The following TNR variants were observed in gnomAD, a reference collection of about 807,000 sequenced individuals.
TNR encodes the protein tenascin-R.
In TNR, 45 loss-of-function variants were observed where a neutral mutation model predicts 150.4. That is an observed-to-expected ratio of 0.30 (90% CI 0.24 to 0.38). TNR has a LOEUF of 0.38. Among genes scored for constraint, TNR ranks in the 10% least tolerant of loss-of-function variants. TNR has a pLI of 1.00. For missense variants in TNR, 1,544 were observed against 1,759.1 expected, an observed-to-expected ratio of 0.88 and a Z score of 2.19; for synonymous variants, 687 against 678.4, an observed-to-expected ratio of 1.01 and a Z score of -0.20.
At chr1:175,537,763 G>A (rs751652817) in intron 1 of TNR, among the ~76,000 whole-genome samples, 3 of 152,262 alleles carry the variant, frequency 2.0e-5, no homozygotes, top group Admixed American at 6.5e-5. Flanking sequence ...AGGATTCTCC[G>A]AGCAGATGGC....
At chr1:175,466,482 G>A (rs1395054843) in intron 2 of TNR, among the ~76,000 whole-genome samples, 2 of 152,188 alleles carry the variant, frequency 1.3e-5, no homozygotes, top group Admixed American at 6.5e-5. Context: ...TGCTGACCCA[G>A]TCTTTCTGGG....
intron 1 of TNR, among the ~76,000 whole-genome samples, chr1:175,739,112 C>T (rs1667852607): frequency 1.3e-5 from 2 of 152,068 alleles, no homozygotes; most frequent in Admixed American, 1.3e-4. Context: ...GGAGCCTTCC[C>T]CTAAAAGAGC....
intron 1 of TNR, among the ~76,000 whole-genome samples, chr1:175,532,709 G>T (rs2102180782): frequency 6.6e-6 from 1 of 152,328 alleles, no homozygotes; most frequent in African/African-American, 2.4e-5. Flanking sequence ...CAGTCAAGAT[G>T]TTGAAGGTTG....
intron 1 of TNR, among the ~76,000 whole-genome samples, chr1:175,593,889 G>C (rs1662904897): frequency 6.6e-6 from 1 of 152,174 alleles, no homozygotes; most frequent in Non-Finnish European, 1.5e-5. Context: ...TCACATTGAT[G>C]ACTTCAGAAC....
chr1:175,323,603 C>T, intron 22 of TNR, 127 bp from the exon 23 acceptor site: 1 of 1,343,684 alleles, frequency 7.4e-7, no homozygotes, highest in Non-Finnish European at 1.0e-6. Context: ...TAACATGAAG[C>T]TTCAAGGCCG....
Position 175,413,956 on chromosome 1 carries a change from A to G in TNR, c.-63-7179T>C, listed in dbSNP as rs535007744. Among the ~76,000 whole-genome samples, 21 of 152,284 alleles carry G rather than the reference A, an allele frequency of 1.4e-4. No individual in the cohort carries two copies. The South Asian group carries it at 3.9e-3, about 29-fold the overall frequency. On this transcript the variant is annotated intron_variant, in intron 2 of 22. Coordinates refer to ENST00000367674, the MANE Select transcript of TNR (RefSeq NM_003285.3). Reference sequence around the variant, plus strand: ...GAGACCAGCCTGGGCAACATGGCGAAACCATGCCTTTACAAAAATTACAAA... The same window carrying G: ...GAGACCAGCCTGGGCAACATGGCGAGACCATGCCTTTACAAAAATTACAAA...
intron 9 of TNR, among the ~76,000 whole-genome samples, chr1:175,369,062 C>G (rs906257707): frequency 1.3e-5 from 2 of 152,176 alleles, no homozygotes; most frequent in African/African-American, 4.8e-5. Context: ...CCGGTAGGCT[C>G]TTTTTGGGGC....
At chr1:175,457,667 C>T (rs1656626213) in intron 2 of TNR, among the ~76,000 whole-genome samples, 1 of 152,174 alleles carries the variant, frequency 6.6e-6, no homozygotes, top group Admixed American at 6.5e-5. Context: ...GAAAAAAGAG[C>T]TACTATTGAC....
intron 1 of TNR, among the ~76,000 whole-genome samples, chr1:175,529,131 G>A (rs1432644714): frequency 6.6e-6 from 1 of 152,210 alleles, no homozygotes; most frequent in African/African-American, 2.4e-5. Flanking sequence ...TTCCAAGGAA[G>A]TGTCAACACA....
intron 15 of TNR, 41 bp downstream of exon 15, chr1:175,359,571 C>T: frequency 1.2e-6 from 2 of 1,612,360 alleles, no homozygotes; most frequent in Middle Eastern, 2.0e-4. Context: ...CCAATTCCCA[C>T]CATTCCCACC....
intron 1 of TNR, among the ~76,000 whole-genome samples, chr1:175,594,626 G>A (rs564135355): frequency 1.1e-4 from 17 of 152,192 alleles, no homozygotes; most frequent in South Asian, 2.1e-4. Context: ...AGACTGAAGC[G>A]GGCCAATGTC....
At chr1:175,715,068 A>C (rs540041008) in intron 1 of TNR, among the ~76,000 whole-genome samples, 1 of 152,358 alleles carries the variant, frequency 6.6e-6, no homozygotes, top group African/African-American at 2.4e-5. Context: ...CAGCTTCAGC[A>C]TCCTGTGGAA....
chr1:175,565,752 A>C (rs1205719243), intron 1 of TNR, among the ~76,000 whole-genome samples: 1 of 152,236 alleles, frequency 6.6e-6, no homozygotes, highest in Non-Finnish European at 1.5e-5. Flanking sequence ...GTACTGTTAG[A>C]AATACTGAAA....
intron 1 of TNR, among the ~76,000 whole-genome samples, chr1:175,734,106 G>A (rs1667713368): frequency 6.6e-6 from 1 of 152,144 alleles, no homozygotes; most frequent in Non-Finnish European, 1.5e-5. Flanking sequence ...TCTTGTTCCT[G>A]CAGCCAGCCT....
chr1:175,331,078 C>CTTTCCTTCTCTTTCTTTCTTTCTTTCT (rs57439733), intron 20 of TNR, among the ~76,000 whole-genome samples: 12 of 59,944 alleles, frequency 2.0e-4, no homozygotes, highest in East Asian at 1.2e-3. Flanking sequence ...TCTTTCTTTC[C>CTTTCCTTCTCTTTCTTTCTTTCTTTCT]TTCTTTCTTT....
chr1:175,590,923 A>G (rs1362494028), intron 1 of TNR, among the ~76,000 whole-genome samples: 1 of 152,228 alleles, frequency 6.6e-6, no homozygotes, highest in African/African-American at 2.4e-5. Context: ...CACGCTAGTT[A>G]TAGCAGACAG....
Position 175,688,205 on chromosome 1 carries a change from G to C in TNR, c.-165+55021C>G, listed in dbSNP as rs75902439. On this transcript the variant is annotated intron_variant, in intron 1 of 22. Coordinates refer to ENST00000367674, the MANE Select transcript of TNR (RefSeq NM_003285.3). ...AGTGCCAAGGTTCCAGAGCATTCTA[G>C]GCTGGGTACAGGGAGGAGCCCCAGT... 8.6e-3 allele frequency among the ~76,000 whole-genome samples: 1,310 copies of C among 152,308 alleles called. 27 individuals are homozygous for C. Among genetic ancestry groups the C allele is most frequent in the African/African-American group, 0.03 (1,248 of 41,574 alleles).
intron 2 of TNR, among the ~76,000 whole-genome samples, chr1:175,468,182 C>A (rs975859474): frequency 6.6e-6 from 1 of 152,096 alleles, no homozygotes; most frequent in Non-Finnish European, 1.5e-5. Context: ...GCCACTGATG[C>A]GCTAGTGAAG....
chr1:175,331,074 TTTCC>T lies in TNR; in HGVS notation c.3632-843_3632-840del, dbSNP rs1298611024. Among the ~76,000 whole-genome samples the T allele has an allele frequency of 1.9e-3, 195 of 101,240 alleles. 3 individuals carry two copies. The highest frequency in any genetic ancestry group is 4.5e-3 in the Middle Eastern group (1 of 222). The allele number at this position is 101,240 out of a possible 152,430, so 66.4% of individuals were successfully genotyped here. A position where few individuals can be genotyped will look rare whatever the true frequency, so the allele number is the denominator to read the frequency against. ...CTTTCTTTCTTTCTTTCTTTCTTTC[TTTCC>T]TTCTTTCTTTCTTTCTTTCTTTCTC... On this transcript the variant is annotated intron_variant, in intron 20 of 22. Coordinates refer to ENST00000367674, the MANE Select transcript of TNR (RefSeq NM_003285.3).
Sources: gnomAD v4.1 joint callset for allele counts (sites outside exome capture counted in the v4.1 genomes callset) on GRCh38, gnomAD v4.1.1 for gene constraint, MANE v1.5 for transcripts, NCBI Gene and HGNC (gene_info 2026-07-23, HGNC 2026-07-21) for gene names.